The following ADAD2 variants were observed in gnomAD, a reference collection of about 807,000 sequenced individuals.
The protein encoded by ADAD2 is adenosine deaminase domain containing 2, also known as adenosine deaminase domain-containing protein 2.
ADAD2 carries 60 observed loss-of-function variants against 54.5 expected under a neutral mutation model. The ratio of observed to expected loss-of-function variants is 1.10; its 90% CI spans 0.89 to 1.36. ADAD2 has a LOEUF of 1.36. ADAD2 is among the 40% of genes most tolerant of loss of function. The pLI is 0.00. For synonymous variants in ADAD2, 543 were observed against 366.2 expected (o/e 1.48, Z -5.51); for missense variants, 1,103 against 801.3 (o/e 1.38, Z -4.54).
rs113320776 is a variant in ADAD2 at position 84,196,693 on chromosome 16, C to T, written c.1573C>T (p.Arg525Trp). The change falls in exon 9 of 10, where the codon CGG becomes TGG. Residue 525 changes from arginine (R) to tryptophan (W), a missense_variant. Coordinates refer to ENST00000315906, the MANE Select transcript of ADAD2 (RefSeq NM_001145400.2). The stretch of plus-strand genomic sequence containing the variant: ...CCGTCTCTGCAAGGCCTCCTTTCTC[C>T]GGGCCTTTCACCAGGCGGCCAGGGC... ...PSRLCKASFLRAFHQAARAVG... is the reference protein window; with the variant it reads ...PSRLCKASFLWAFHQAARAVG... 6.7e-5 allele frequency: 108 copies of T among 1,613,448 alleles called. No individual in the cohort carries two copies. In the Middle Eastern group the frequency reaches 8.2e-4, roughly 12 times the overall value.
chr16:84,191,456 G>T lies in ADAD2; in HGVS notation c.226G>T (p.Gly76Trp). The T allele has an allele frequency of 1.3e-6, 2 of 1,527,000 alleles. No homozygotes were observed. Among genetic ancestry groups the T allele is most frequent in the Non-Finnish European group, 1.8e-6 (2 of 1,139,420 alleles). 94.6% of individuals were successfully genotyped at this position (1,527,000 alleles called of 1,614,324 possible). ...TGGGCCTGGGGCAGGGGCCGGAGTCGGGGAACTGGGGGCAGCCCGGGCGTG... is the reference window on the plus strand; with the variant it reads ...TGGGCCTGGGGCAGGGGCCGGAGTCTGGGAACTGGGGGCAGCCCGGGCGTG... ...DSGPGAGAGV[G>W]ELGAARAWEN... The change falls in exon 1 of 10, where the codon GGG becomes TGG. Residue 76 changes from glycine (G) to tryptophan (W), a missense_variant. Physicochemically the swap from Gly to Trp is radical, Grantham distance 184 (BLOSUM62 -2). Transcript: ENST00000315906.
At chr16:84,193,582 C>T (rs1488897765) in intron 1 of ADAD2, 1 of 158,726 alleles carries the variant, frequency 6.3e-6, no homozygotes, top group Admixed American at 6.0e-5. Context: ...GGTGTCTTCA[C>T]TTTCTCCTTT....
In ADAD2 at chr16:84,191,583, C is replaced by A. The variant is rs890159151; in HGVS notation, c.353C>A (p.Ser118Tyr). 1 of 1,550,196 alleles carries A rather than the reference C, an allele frequency of 6.5e-7. No individual in the cohort carries two copies. The highest frequency in any genetic ancestry group is 8.7e-7 in the Non-Finnish European group (1 of 1,147,186). Residue 118 changes from serine (S) to tyrosine (Y), a missense_variant, in exon 1 of 10, where the codon TCC becomes TAC. Ser to Tyr is a moderately radical substitution (Grantham distance 144). Coordinates refer to ENST00000315906, the MANE Select transcript of ADAD2 (RefSeq NM_001145400.2). ...GACCCACCTGCCAGCCAGGCCGTGT[C>A]CTTGCTCACGGAGTACGCGGCCAGC... ...LKDPPASQAV[S>Y]LLTEYAASLG...
intron 1 of ADAD2, among the ~76,000 whole-genome samples, chr16:84,192,096 C>T (rs2089664030): frequency 6.6e-6 from 1 of 152,190 alleles, no homozygotes; most frequent in African/African-American, 2.4e-5. Context: ...GTTATTTCCT[C>T]TTCTTCAATA....
At position 84,195,123 on chromosome 16, in the gene ADAD2, ACCT is replaced by A. The variant is rs1432259107; in HGVS notation, c.666_668del (p.Leu224del). ...GCAGCGTTGGTGAGCGCCGGCTTTG[ACCT>A]CCTGTTGGACGAGCGCTCGCCATAC... On this transcript the variant is annotated inframe_deletion, in exon 4 of 10. Transcript: ENST00000315906. 1.9e-6 allele frequency: 3 copies of A among 1,613,204 alleles called. No individual in the cohort carries two copies. In the African/African-American group the frequency reaches 4.0e-5, roughly 22 times the overall value.
intron 1 of ADAD2, among the ~76,000 whole-genome samples, chr16:84,192,164 A>G (rs1015818119): frequency 6.6e-6 from 1 of 151,994 alleles, no homozygotes; most frequent in African/African-American, 2.4e-5. Flanking sequence ...ATTTTTTTTG[A>G]GACAGGGTCT....
chr16:84,194,737 T>A (rs748653651), intron 2 of ADAD2, 155 bp downstream of exon 2: 10 of 1,377,776 alleles, frequency 7.3e-6, no homozygotes, highest in African/African-American at 1.4e-5. Flanking sequence ...TGCAGGGAGC[T>A]GGGGCGGGGT....
In ADAD2 at chr16:84,195,649, T is replaced by C; in HGVS notation, c.1004T>C (p.Leu335Pro). 1 of 1,598,330 alleles carries C rather than the reference T, an allele frequency of 6.3e-7. No homozygotes were observed. ...PPFTLKPRVFLHLYISNTPKG... is the reference protein window; with the variant it reads ...PPFTLKPRVFPHLYISNTPKG... Reference sequence around the variant, plus strand: ...TTCACCCTCAAGCCCCGCGTCTTCCTGCACCTCTACATCAGCAACACCCCC... The same window carrying C: ...TTCACCCTCAAGCCCCGCGTCTTCCCGCACCTCTACATCAGCAACACCCCC... Residue 335 changes from leucine (L) to proline (P), a missense_variant, in exon 6 of 10, where the codon CTG becomes CCG. By Grantham distance (98) the Leu-to-Pro change is moderately conservative. Transcript: ENST00000315906.
chr16:84,194,128 C>G (rs1436868813), intron 1 of ADAD2: 1 of 1,613,686 alleles, frequency 6.2e-7, no homozygotes, highest in African/African-American at 1.3e-5. Context: ...GAGAGGGGAC[C>G]TGGATTTGGG....
intron 1 of ADAD2, chr16:84,191,915 G>A (rs2151325722): frequency 3.4e-6 from 2 of 587,468 alleles, no homozygotes; most frequent in Admixed American, 2.9e-5. Context: ...TTCCAGGGAG[G>A]TTAAGGCCCC....
At position 84,197,005 on chromosome 16, in the gene ADAD2, G is replaced by C. The variant is rs1346529909; in HGVS notation, c.*31G>C. On this transcript the variant is annotated 3_prime_UTR_variant, in exon 10 of 10. Coordinates refer to ENST00000315906, the MANE Select transcript of ADAD2 (RefSeq NM_001145400.2). ...GCCTCGGCGGGACCGAGGTCCCGGAGCCAAGCTGTACCCCTGCTGGGGGAG... is the reference window on the plus strand; with the variant it reads ...GCCTCGGCGGGACCGAGGTCCCGGACCCAAGCTGTACCCCTGCTGGGGGAG... The C allele has an allele frequency of 1.3e-6, 2 of 1,559,818 alleles. No homozygotes were observed. Among genetic ancestry groups the C allele is most frequent in the African/African-American group, 2.7e-5 (2 of 73,986 alleles).
intron 3 of ADAD2, 24 bp downstream of exon 3, chr16:84,195,004 G>C: frequency 6.5e-7 from 1 of 1,541,776 alleles, no homozygotes; most frequent in Non-Finnish European, 8.7e-7. Context: ...CCCGGACCCA[G>C]GCTTGTAGTG....
At position 84,197,081 on chromosome 16, in the gene ADAD2, A is replaced by C. The variant is rs2089742360; in HGVS notation, c.*107A>C. The C allele has an allele frequency of 8.5e-7, 1 of 1,171,208 alleles. No individual in the cohort carries two copies. Among genetic ancestry groups the C allele is most frequent in the Non-Finnish European group, 1.2e-6 (1 of 825,906 alleles). The allele number at this position is 1,171,208 out of a possible 1,614,324, so 72.6% of individuals were successfully genotyped here. ...GAGAACATGGGTTGTGCGGGGTGAA[A>C]CTGGGGCTGGAGGGAAGGAGGAGCC... On this transcript the variant is annotated 3_prime_UTR_variant, in exon 10 of 10. Transcript: ENST00000315906.
At chr16:84,194,255 G>A in intron 1 of ADAD2, 187 bp from the exon 2 acceptor site, 1 of 1,553,474 alleles carries the variant, frequency 6.4e-7, no homozygotes, top group Non-Finnish European at 8.7e-7. Flanking sequence ...ATGGGTCACA[G>A]CCTGCAGAGG....
rs571312243 is a variant in ADAD2, at chr16:84,194,108, G to C, written c.419-334G>C. The C allele has an allele frequency of 1.0e-4, 168 of 1,613,972 alleles. 1 individual carries two copies. Among genetic ancestry groups the C allele is most frequent in the South Asian group, 2.4e-4 (22 of 91,074 alleles). ...GCCTTCCTCCTGAGAACAGGGTGGC[G>C]TGGGCTCTGGAGAGGGGACCTGGAT... On this transcript the variant is annotated intron_variant, in intron 1 of 9. Coordinates refer to ENST00000315906, the MANE Select transcript of ADAD2 (RefSeq NM_001145400.2).
Position 84,196,941 on chromosome 16 carries a change from C to T in ADAD2, c.1719C>T (p.Pro573=). ...LLDQQGLGAW[P]SKPLVGKFRN ...ACCAGCAGGGCCTGGGGGCTTGGCC[C>T]TCGAAGCCACTGGTGGGCAAATTCA... Residue 573 remains proline, a synonymous_variant, in exon 10 of 10, where the codon CCC becomes CCT. Transcript: ENST00000315906. 2.5e-6 allele frequency: 4 copies of T among 1,604,766 alleles called. No homozygotes were observed. Among genetic ancestry groups the T allele is most frequent in the Non-Finnish European group, 3.4e-6 (4 of 1,176,928 alleles).
chr16:84,196,210 C>T lies in ADAD2; in HGVS notation c.1366C>T (p.Pro456Ser), dbSNP rs1223324836. 1 of 1,610,514 alleles carries T rather than the reference C, an allele frequency of 6.2e-7. No individual in the cohort carries two copies. Among genetic ancestry groups the T allele is most frequent in the Admixed American group, 1.7e-5 (1 of 60,026 alleles). The change falls in exon 8 of 10, where the codon CCA (proline) becomes TCA (serine). Residue 456 changes from proline (P) to serine (S), a missense_variant. Physicochemically the swap from Pro to Ser is moderately conservative, Grantham distance 74. Coordinates refer to ENST00000315906, the MANE Select transcript of ADAD2 (RefSeq NM_001145400.2). The stretch of plus-strand genomic sequence containing the variant: ...GGACAGTGTCCTGGGGCCATGCCTG[C>T]CACCTCCCTACGTCCGGACCGCCCT... ...CLDSVLGPCL[P>S]PPYVRTALHL... is the part of the protein sequence containing the mutation.
At chr16:84,195,765 G>C (rs1222866928) in intron 6 of ADAD2, 50 bp from the exon 7 acceptor site, 2 of 1,547,700 alleles carry the variant, frequency 1.3e-6, no homozygotes, top group Non-Finnish European at 1.7e-6. Flanking sequence ...TGGGGGCCAG[G>C]GTCAGAAGAG....
In ADAD2 at chr16:84,197,032, G is replaced by A; in HGVS notation, c.*58G>A. The A allele has an allele frequency of 6.6e-7, 1 of 1,513,048 alleles. No homozygotes were observed. The highest frequency in any genetic ancestry group is 9.0e-7 in the Non-Finnish European group (1 of 1,115,318). 93.7% of individuals were successfully genotyped at this position (1,513,048 alleles called of 1,614,324 possible). ...CAAGCTGTACCCCTGCTGGGGGAGT[G>A]CCCTATCTGAGGAGCGTTGTGGGGA... On this transcript the variant is annotated 3_prime_UTR_variant, in exon 10 of 10. Coordinates refer to ENST00000315906, the MANE Select transcript of ADAD2 (RefSeq NM_001145400.2).
Sources: gnomAD v4.1 joint callset for allele counts (sites outside exome capture counted in the v4.1 genomes callset) on GRCh38, gnomAD v4.1.1 for gene constraint, MANE v1.5 for transcripts, NCBI Gene and HGNC (gene_info 2026-07-23, HGNC 2026-07-21) for gene names.